Variants in PPP1CB observed in about 807,000 individuals in gnomAD.
The protein encoded by PPP1CB is protein phosphatase 1 catalytic subunit beta.
In PPP1CB, 2 loss-of-function variants were observed where a neutral mutation model predicts 43.7. The observed-to-expected ratio is 0.05, with a 90% CI of 0.02 to 0.14. The LOEUF is 0.14. Among genes scored for constraint, PPP1CB ranks in the 10% least tolerant of loss-of-function variants. The pLI, the probability that PPP1CB is intolerant of heterozygous loss-of-function variation, is 1.00. For missense variants in PPP1CB, 84 were observed against 398.0 expected (o/e 0.21, Z 6.71); for synonymous variants, 136 against 135.6 (o/e 1.00, Z -0.02).
Position 28,752,169 on chromosome 2 carries a change from G to A in PPP1CB, c.45G>A (p.Leu15=), listed in dbSNP as rs1278471146. 6.5e-7 allele frequency: 1 copy of A among 1,547,144 alleles called. No individual in the cohort carries two copies. Among genetic ancestry groups the A allele is most frequent in the East Asian group, 2.5e-5 (1 of 40,224 alleles). Residue 15 remains leucine, a synonymous_variant, in exon 1 of 8, where the codon CTG becomes CTA. Coordinates refer to ENST00000395366, the MANE Select transcript of PPP1CB (RefSeq NM_002709.3). ...ELNVDSLITR[L]LEVRGCRPGK... is the part of the protein sequence containing the mutation. The stretch of plus-strand genomic sequence containing the variant: ...ACGTGGACAGCCTCATCACCCGGCT[G>A]CTGGAGGGTGAGTGCGCGCCTGGCC...
At chr2:28,796,700 T>C (rs541327244) in intron 7 of PPP1CB, among the ~76,000 whole-genome samples, 26 of 152,324 alleles carry the variant, frequency 1.7e-4, no homozygotes, top group African/African-American at 5.8e-4. Context: ...GTTTTCTGTG[T>C]ATAGAATCAT....
At chr2:28,752,328 C>T (rs1309246208) in intron 1 of PPP1CB, 152 bp downstream of exon 1, 12 of 751,744 alleles carry the variant, frequency 1.6e-5, no homozygotes, top group Non-Finnish European at 2.5e-5. Flanking sequence ...GAGGAGGGGG[C>T]GAGGAGGCTC....
rs1178586866 is a variant in PPP1CB, at chr2:28,800,078, A to G, written c.*775A>G. 6.6e-6 allele frequency: 1 copy of G among 152,508 alleles called. No individual in the cohort carries two copies. The highest frequency in any genetic ancestry group is 1.5e-5 in the Non-Finnish European group (1 of 67,954). The allele number at this position is 152,508 out of a possible 1,614,324, so 9.4% of individuals were successfully genotyped here. On this transcript the variant is annotated 3_prime_UTR_variant, in exon 8 of 8. Transcript: ENST00000395366. ...TGTGCAGTAGCATTTCATTTAAGAT[A>G]AGGCTCATATAGTATTACCCAACTA...
In PPP1CB at chr2:28,776,842, G is replaced by A. The variant is rs368197884; in HGVS notation, c.53-9G>A. On this transcript the variant is annotated splice_polypyrimidine_tract_variant and intron_variant, in intron 1 of 7. Transcript: ENST00000395366. ...TAGAAAACTGACTGTTTTATTTATC[G>A]TTTGTCAGTACGAGGATGTCGTCCA... 467 of 1,586,544 alleles carry A rather than the reference G, an allele frequency of 2.9e-4. 1 individual carries two copies. In the African/African-American group the frequency reaches 5.6e-3, roughly 19 times the overall value.
chr2:28,788,076 A>G (rs991634459), intron 5 of PPP1CB, among the ~76,000 whole-genome samples: 3 of 152,192 alleles, frequency 2.0e-5, no homozygotes, highest in Non-Finnish European at 4.4e-5. Context: ...TGAAATCACA[A>G]TTGAGTTTTT....
At chr2:28,766,998 G>A (rs892861783) in intron 1 of PPP1CB, among the ~76,000 whole-genome samples, 5 of 151,690 alleles carry the variant, frequency 3.3e-5, no homozygotes, top group African/African-American at 1.2e-4. Flanking sequence ...GGAGAATCGC[G>A]TGAACCAGGG....
intron 3 of PPP1CB, among the ~76,000 whole-genome samples, chr2:28,779,677 T>A (rs1242142369): frequency 6.6e-6 from 1 of 152,236 alleles, no homozygotes; most frequent in Non-Finnish European, 1.5e-5. Context: ...AATTACTACT[T>A]AGAATCAATT....
chr2:28,780,084 C>CTTTTTTTTTTTTTTTTTTTTTTTTTTTT (rs10559224), intron 3 of PPP1CB, among the ~76,000 whole-genome samples: 14 of 131,798 alleles, frequency 1.1e-4, no homozygotes, highest in South Asian at 2.5e-4. Context: ...TCTTTTCTTT[C>CTTTTTTTTTTTTTTTTTTTTTTTTTTTT]TTTTTTTTTT....
In PPP1CB at chr2:28,772,081, C is replaced by T. The variant is rs150243031; in HGVS notation, c.53-4770C>T. 2.4e-3 allele frequency among the ~76,000 whole-genome samples: 368 copies of T among 151,880 alleles called. 2 individuals are homozygous for T. The highest frequency in any genetic ancestry group is 8.3e-3 in the African/African-American group (345 of 41,396). On this transcript the variant is annotated intron_variant, in intron 1 of 7. Coordinates refer to ENST00000395366, the MANE Select transcript of PPP1CB (RefSeq NM_002709.3). ...CCTGTAATCCCAGCACTTTGGGAGG[C>T]CAAGGCGGGGAGATTATTTGAGGTT...
intron 1 of PPP1CB, among the ~76,000 whole-genome samples, chr2:28,763,143 C>G (rs1666695187): frequency 6.6e-6 from 1 of 152,150 alleles, no homozygotes; most frequent in Non-Finnish European, 1.5e-5. Context: ...GAGTGCTTTC[C>G]TTTGCGACAA....
intron 2 of PPP1CB, 145 bp downstream of exon 2, chr2:28,777,127 CTTAT>C: frequency 1.2e-6 from 1 of 820,572 alleles, no homozygotes; most frequent in African/African-American, 1.7e-5. Context: ...AAAATTGAAA[CTTAT>C]AAAAATGACA....
At chr2:28,782,257 TAAC>T (rs1327933065) in intron 4 of PPP1CB, among the ~76,000 whole-genome samples, 2 of 152,162 alleles carry the variant, frequency 1.3e-5, no homozygotes, top group Non-Finnish European at 2.9e-5. Context: ...GCTTTAGTAT[TAAC>T]AATAAAATAA....
intron 1 of PPP1CB, among the ~76,000 whole-genome samples, chr2:28,763,412 C>G (rs534444690): frequency 3.3e-5 from 5 of 151,848 alleles, no homozygotes; most frequent in African/African-American, 1.2e-4. Context: ...TTTTACCCAT[C>G]CTTGCTTTTG....
intron 1 of PPP1CB, among the ~76,000 whole-genome samples, chr2:28,766,779 G>A (rs942797825): frequency 6.6e-6 from 1 of 152,106 alleles, no homozygotes; most frequent in East Asian, 1.9e-4. Context: ...AAGGCTAATG[G>A]CGTTTAAAAG....
chr2:28,771,792 A>C (rs544152837), intron 1 of PPP1CB, among the ~76,000 whole-genome samples: 4 of 152,126 alleles, frequency 2.6e-5, no homozygotes, highest in Non-Finnish European at 5.9e-5. Context: ...ACATAAGGAA[A>C]TATGTTTAGA....
intron 1 of PPP1CB, among the ~76,000 whole-genome samples, chr2:28,763,849 G>A (rs940933773): frequency 6.6e-6 from 1 of 152,090 alleles, no homozygotes; most frequent in African/African-American, 2.4e-5. Flanking sequence ...GGGATTACAG[G>A]TGCGCGCCAC....
chr2:28,766,997 C>T (rs1054343983), intron 1 of PPP1CB, among the ~76,000 whole-genome samples: 3 of 151,802 alleles, frequency 2.0e-5, no homozygotes, highest in African/African-American at 7.3e-5. Context: ...AGGAGAATCG[C>T]GTGAACCAGG....
At chr2:28,771,118 A>T (rs904515486) in intron 1 of PPP1CB, among the ~76,000 whole-genome samples, 1 of 131,200 alleles carries the variant, frequency 7.6e-6, no homozygotes, top group Admixed American at 9.8e-5. Flanking sequence ...CAGTGGCACG[A>T]TCGTGGCTCA....
intron 1 of PPP1CB, among the ~76,000 whole-genome samples, chr2:28,767,886 G>A (rs1474630697): frequency 6.6e-6 from 1 of 152,180 alleles, no homozygotes; most frequent in Non-Finnish European, 1.5e-5. Context: ...GAATACTGGT[G>A]TAGTTTTTCT....
Sources: allele counts gnomAD v4.1 joint callset (sites outside exome capture counted in the v4.1 genomes callset), GRCh38; gene constraint gnomAD v4.1.1; transcripts MANE v1.5; gene names NCBI Gene and HGNC (gene_info 2026-07-23, HGNC 2026-07-21).